HECW1: variants seen among roughly 807,000 people sequenced by gnomAD.
The protein encoded by HECW1 is HECT, C2 and WW domain containing E3 ubiquitin protein ligase 1.
Under a neutral mutation model 182.3 loss-of-function variants are expected in HECW1, and 61 were observed. The ratio of observed to expected loss-of-function variants is 0.33; its 90% CI spans 0.27 to 0.41. The LOEUF (loss-of-function observed/expected upper bound fraction) is 0.41, where lower values mean the gene tolerates loss of function less well. Ranked by LOEUF, HECW1 falls within the 10% of genes least tolerant of loss-of-function variation. The pLI, the probability that HECW1 is intolerant of heterozygous loss-of-function variation, is 1.00. For synonymous variants in HECW1, 859 were observed against 832.6 expected (o/e 1.03, Z -0.55); for missense variants, 1,739 against 2,108.9 (o/e 0.82, Z 3.44).
intron 2 of HECW1, among the ~76,000 whole-genome samples, chr7:43,172,657 C>A (rs1013953737): frequency 2.0e-5 from 3 of 152,058 alleles, no homozygotes; most frequent in Admixed American, 6.5e-5. Flanking sequence ...CCCTTTCTGC[C>A]CTATGTCCCT....
intron 3 of HECW1, among the ~76,000 whole-genome samples, chr7:43,277,624 TAGGCATCCACCAGC>T (rs1803326535): frequency 6.6e-6 from 1 of 152,198 alleles, no homozygotes; most frequent in South Asian, 2.1e-4. Context: ...ACCATTTCCG[TAGGCATCCACCAGC>T]AATTTCTCCC....
At chr7:43,545,076 C>CA (rs983077160) in intron 26 of HECW1, among the ~76,000 whole-genome samples, 1 of 152,082 alleles carries the variant, frequency 6.6e-6, no homozygotes, top group African/African-American at 2.4e-5. Context: ...CCAGCCTGGG[C>CA]AACATAGCAA....
chr7:43,299,343 A>G (rs1806448028), intron 3 of HECW1, among the ~76,000 whole-genome samples: 2 of 152,168 alleles, frequency 1.3e-5, no homozygotes, highest in Non-Finnish European at 2.9e-5. Context: ...TATTTGGTGC[A>G]TCTTTGGTGT....
intron 2 of HECW1, among the ~76,000 whole-genome samples, chr7:43,141,303 G>A (rs747725505): frequency 1.2e-4 from 19 of 152,112 alleles, no homozygotes; most frequent in Non-Finnish European, 2.4e-4. Flanking sequence ...GAATCTCACC[G>A]AAGCCACCTG....
intron 11 of HECW1, among the ~76,000 whole-genome samples, chr7:43,446,516 A>G (rs1313340515): frequency 6.6e-6 from 1 of 152,242 alleles, no homozygotes; most frequent in East Asian, 1.9e-4. Flanking sequence ...ATTAGCCTCC[A>G]ACAAAAGGCG....
chr7:43,310,973 C>T (rs965100927), intron 3 of HECW1, among the ~76,000 whole-genome samples: 1 of 152,154 alleles, frequency 6.6e-6, no homozygotes, highest in Non-Finnish European at 1.5e-5. Context: ...TATTTGCTGC[C>T]TGTCCTTCTG....
chr7:43,154,750 G>C (rs1583721884), intron 2 of HECW1, among the ~76,000 whole-genome samples: 3 of 152,272 alleles, frequency 2.0e-5, no homozygotes, highest in South Asian at 2.1e-4. Context: ...ACATCTCCCT[G>C]CTCTCAAACC....
At chr7:43,553,350 C>T (rs1450870028) in intron 28 of HECW1, among the ~76,000 whole-genome samples, 1 of 152,132 alleles carries the variant, frequency 6.6e-6, no homozygotes, top group Non-Finnish European at 1.5e-5. Flanking sequence ...CCCGCAATGC[C>T]TCTTATAGTA....
intron 5 of HECW1, among the ~76,000 whole-genome samples, chr7:43,324,234 C>G (rs1810502745): frequency 6.6e-6 from 1 of 151,912 alleles, no homozygotes; most frequent in Admixed American, 6.6e-5. Flanking sequence ...TTACATTTTG[C>G]AAATATATCA....
chr7:43,204,250 G>T (rs1795263562), intron 2 of HECW1, among the ~76,000 whole-genome samples: 1 of 152,156 alleles, frequency 6.6e-6, no homozygotes, highest in Non-Finnish European at 1.5e-5. Flanking sequence ...TGAAACTGAA[G>T]ACCATTTTGC....
At chr7:43,376,192 G>A (rs1039272458) in intron 6 of HECW1, among the ~76,000 whole-genome samples, 10 of 151,912 alleles carry the variant, frequency 6.6e-5, no homozygotes, top group Non-Finnish European at 1.2e-4. Context: ...CAAAATAAGC[G>A]TGTAAGATGC....
chr7:43,483,560 T>G (rs2152910860), intron 17 of HECW1, among the ~76,000 whole-genome samples: 1 of 149,484 alleles, frequency 6.7e-6, no homozygotes, highest in East Asian at 2.0e-4. Context: ...TTTTTTTTTT[T>G]TTTTTTGAGC....
intron 11 of HECW1, among the ~76,000 whole-genome samples, chr7:43,446,503 G>A (rs1022904793): frequency 6.6e-6 from 1 of 152,170 alleles, no homozygotes; most frequent in Non-Finnish European, 1.5e-5. Flanking sequence ...TTCTGCTGTT[G>A]AAATTAGCCT....
intron 3 of HECW1, among the ~76,000 whole-genome samples, chr7:43,287,243 G>T (rs531493426): frequency 2.0e-5 from 3 of 151,982 alleles, no homozygotes; most frequent in African/African-American, 7.3e-5. Flanking sequence ...TTAGGGAGGA[G>T]TAGATGAGCA....
In HECW1 at chr7:43,178,455, A is replaced by G. The variant is rs532118261; in HGVS notation, c.-32+64064A>G. ...TCCATGTTACCCAGGAATTTACTGG[A>G]TTAAATAAGCCACCACTTGGTAACA... On this transcript the variant is annotated intron_variant, in intron 2 of 29. Transcript: ENST00000395891. Among the ~76,000 whole-genome samples, 4 of 152,334 alleles carry G rather than the reference A, an allele frequency of 2.6e-5. No individual in the cohort carries two copies. In the East Asian group the frequency reaches 7.7e-4, roughly 29 times the overall value.
At chr7:43,522,945 G>A in intron 24 of HECW1, 1 of 350,202 alleles carries the variant, frequency 2.9e-6, no homozygotes, top group Admixed American at 3.1e-5. Flanking sequence ...GTTATTGCTG[G>A]CACTTCCGCC....
intron 17 of HECW1, among the ~76,000 whole-genome samples, chr7:43,490,090 T>A (rs998472595): frequency 6.6e-6 from 1 of 152,192 alleles, no homozygotes; most frequent in Non-Finnish European, 1.5e-5. Flanking sequence ...TACTTTTGAG[T>A]CATTACGTAA....
chr7:43,170,230 C>G (rs1436988062), intron 2 of HECW1, among the ~76,000 whole-genome samples: 1 of 152,118 alleles, frequency 6.6e-6, no homozygotes, highest in Non-Finnish European at 1.5e-5. Context: ...GCCTGATGAT[C>G]TGTTACTGTA....
intron 24 of HECW1, among the ~76,000 whole-genome samples, chr7:43,520,620 A>T (rs1056481568): frequency 6.6e-6 from 1 of 151,500 alleles, no homozygotes; most frequent in Non-Finnish European, 1.5e-5. Flanking sequence ...CTCTTGAATT[A>T]TTTTTTTATT....
Sources: allele counts gnomAD v4.1 joint callset (sites outside exome capture counted in the v4.1 genomes callset), GRCh38; gene constraint gnomAD v4.1.1; transcripts MANE v1.5; gene names NCBI Gene and HGNC (gene_info 2026-07-23, HGNC 2026-07-21).